The following NLGN1 variants were observed in gnomAD, a reference collection of about 807,000 sequenced individuals.
NLGN1 encodes the protein neuroligin 1.
A neutral mutation model predicts 65.5 loss-of-function variants in NLGN1; 12 were observed. The ratio of observed to expected loss-of-function variants is 0.18; its 90% confidence interval spans 0.12 to 0.30. The LOEUF (loss-of-function observed/expected upper bound fraction) is 0.30. Ranked by LOEUF, NLGN1 falls within the 10% of genes least tolerant of loss-of-function variation. NLGN1 has a pLI of 1.00. For synonymous variants in NLGN1, 350 were observed against 359.5 expected (o/e 0.97, Z 0.30); for missense variants, 750 against 1,007.1 (o/e 0.74, Z 3.46).
chr3:173,795,201 AC>A (rs1480686713), intron 3 of NLGN1, among the ~76,000 whole-genome samples: 2 of 152,150 alleles, frequency 1.3e-5, no homozygotes, highest in Non-Finnish European at 2.9e-5. Context: ...GAGCACCACC[AC>A]CAAGATTTGC....
At chr3:173,886,218 A>G in intron 4 of NLGN1, among the ~76,000 whole-genome samples, 1 of 152,226 alleles carries the variant, frequency 6.6e-6, no homozygotes, top group Non-Finnish European at 1.5e-5. Flanking sequence ...AATTATAGCA[A>G]GGCAAAAGAA....
intron 4 of NLGN1, among the ~76,000 whole-genome samples, chr3:174,168,992 C>T (rs1577192706): frequency 6.6e-6 from 1 of 152,068 alleles, no homozygotes; most frequent in Non-Finnish European, 1.5e-5. Flanking sequence ...CCTGCCTACA[C>T]AAAAATCTCC....
chr3:173,853,822 G>A (rs992871946), intron 4 of NLGN1, among the ~76,000 whole-genome samples: 1 of 151,774 alleles, frequency 6.6e-6, no homozygotes, highest in African/African-American at 2.4e-5. Context: ...ATGATGAGAG[G>A]TTCTCATGGT....
At chr3:173,877,047 C>T (rs1451809922) in intron 4 of NLGN1, among the ~76,000 whole-genome samples, 2 of 152,072 alleles carry the variant, frequency 1.3e-5, no homozygotes, top group Non-Finnish European at 2.9e-5. Flanking sequence ...CCAAGTATCT[C>T]GCTCCCAAAT....
intron 3 of NLGN1, among the ~76,000 whole-genome samples, chr3:173,710,679 C>T (rs946594492): frequency 2.6e-5 from 4 of 152,082 alleles, no homozygotes; most frequent in African/African-American, 7.2e-5. Flanking sequence ...TTAATTGCAT[C>T]GGGAAATTTT....
intron 4 of NLGN1, among the ~76,000 whole-genome samples, chr3:174,008,091 ATGCT>A (rs1171484882): frequency 3.9e-5 from 6 of 152,132 alleles, no homozygotes; most frequent in African/African-American, 1.4e-4. Context: ...TTGCTGGCTT[ATGCT>A]GTGGTAATAA....
intron 3 of NLGN1, among the ~76,000 whole-genome samples, chr3:173,778,030 T>C (rs1470634647): frequency 6.6e-6 from 1 of 151,850 alleles, no homozygotes; most frequent in Non-Finnish European, 1.5e-5. Context: ...AATGAAGCAC[T>C]CATCAAATTC....
At position 173,665,113 on chromosome 3, in the gene NLGN1, TCC is replaced by T. The variant is rs751285356; in HGVS notation, c.493+60025_493+60026del. Among the ~76,000 whole-genome samples, 13 of 152,138 alleles carry T rather than the reference TCC, an allele frequency of 8.5e-5. No homozygotes were observed. The East Asian group carries it at 1.2e-3, about 14-fold the overall frequency. On this transcript the variant is annotated intron_variant, in intron 3 of 6. Coordinates refer to ENST00000457714, the Ensembl canonical transcript of NLGN1. ...GTGGTTGATATGGTCTGGCTCTGTG[TCC>T]CCAACCAAAATCTCATCTTGAATTG...
chr3:173,480,955 A>G (rs764774152), intron 2 of NLGN1, among the ~76,000 whole-genome samples: 9 of 152,096 alleles, frequency 5.9e-5, no homozygotes, highest in African/African-American at 2.2e-4. Flanking sequence ...AATTGCATTT[A>G]TCATGTGTCA....
At chr3:173,667,928 AC>A (rs1279168679) in intron 3 of NLGN1, among the ~76,000 whole-genome samples, 4 of 151,930 alleles carry the variant, frequency 2.6e-5, no homozygotes. Flanking sequence ...ACCATGCCAG[AC>A]CCCATTTTTT....
chr3:174,281,051 G>A (rs781456167), exon 7 of NLGN1: 8 of 1,613,172 alleles, frequency 5.0e-6, no homozygotes, highest in African/African-American at 1.3e-5. Context: ...ACACTGATTT[G>A]GATCATGAAT....
chr3:174,227,555 T>A (rs1561336094), intron 4 of NLGN1, among the ~76,000 whole-genome samples: 1 of 152,118 alleles, frequency 6.6e-6, no homozygotes, highest in Non-Finnish European at 1.5e-5. Flanking sequence ...ATTTCATAAT[T>A]TACCAGGAAA....
intron 2 of NLGN1, among the ~76,000 whole-genome samples, chr3:173,448,458 G>T (rs1270677517): frequency 2.6e-5 from 4 of 152,178 alleles, no homozygotes; most frequent in Non-Finnish European, 1.5e-5. Context: ...GCTGTATTTG[G>T]TTTGCCAGTA....
Position 173,436,508 on chromosome 3 carries a change from G to A in NLGN1, c.-321+1430G>A, listed in dbSNP as rs116823987. Among the ~76,000 whole-genome samples the A allele has an allele frequency of 7.2e-3, 1,090 of 152,290 alleles. 12 individuals carry two copies. The highest frequency in any genetic ancestry group is 0.025 in the African/African-American group (1,020 of 41,544). Reference sequence around the variant, plus strand: ...GGAAGTCAAATAGGGAAGACTGTGTGTTTGTGACCAAGAGCATTAATTTTA... The same window carrying A: ...GGAAGTCAAATAGGGAAGACTGTGTATTTGTGACCAAGAGCATTAATTTTA... On this transcript the variant is annotated intron_variant, in intron 2 of 6. Coordinates refer to ENST00000457714, the Ensembl canonical transcript of NLGN1.
chr3:173,932,973 G>T (rs1322149362), intron 4 of NLGN1, among the ~76,000 whole-genome samples: 1 of 152,076 alleles, frequency 6.6e-6, no homozygotes, highest in African/African-American at 2.4e-5. Context: ...TATGTATAAA[G>T]GTAATGGGGT....
rs148191719 is a variant in NLGN1, at chr3:173,461,392, C to T, written c.-321+26314C>T. ...TTTTTGTTCTTGCATTAATCATGCA[C>T]TATGCTAAATATTATATGGACCACA... On this transcript the variant is annotated intron_variant, in intron 2 of 6. Transcript: ENST00000457714. Among the ~76,000 whole-genome samples, 119 of 152,014 alleles carry T rather than the reference C, an allele frequency of 7.8e-4. No homozygotes were observed. The East Asian group carries it at 0.018, about 23-fold the overall frequency.
At chr3:174,075,421 C>A (rs1035299592) in intron 4 of NLGN1, among the ~76,000 whole-genome samples, 1 of 152,106 alleles carries the variant, frequency 6.6e-6, no homozygotes, top group African/African-American at 2.4e-5. Context: ...AAATGATAAT[C>A]AGAGCTCCTA....
rs529183349 is a variant in NLGN1 at position 173,999,981 on chromosome 3, G to A, written c.646+192149G>A. Among the ~76,000 whole-genome samples, 25 of 150,324 alleles carry A rather than the reference G, an allele frequency of 1.7e-4. No individual in the cohort carries two copies. In the East Asian group the frequency reaches 4.5e-3, roughly 27 times the overall value. ...ATAACAAACAGGTTTTTTTTTTTCT[G>A]GTATAACTAGATCTTGCAAAGCCCA... On this transcript the variant is annotated intron_variant, in intron 4 of 6. Coordinates refer to ENST00000457714, the Ensembl canonical transcript of NLGN1.
chr3:173,413,467 G>A (rs1439827844), intron 1 of NLGN1, among the ~76,000 whole-genome samples: 2 of 151,980 alleles, frequency 1.3e-5, no homozygotes, highest in East Asian at 1.9e-4. Flanking sequence ...GGGCGTGGTG[G>A]CATGCACCTG....
Sources: allele counts gnomAD v4.1 joint callset (sites outside exome capture counted in the v4.1 genomes callset), GRCh38; gene constraint gnomAD v4.1.1; transcripts MANE v1.5; gene names NCBI Gene and HGNC (gene_info 2026-07-23, HGNC 2026-07-21).